Variants in ZNF528 observed in about 807,000 individuals in gnomAD.
ZNF528 encodes the protein zinc finger protein 528.
A neutral mutation model predicts 13.3 loss-of-function variants in ZNF528; 9 were observed. That is an observed-to-expected ratio of 0.67 (90% CI 0.41 to 1.18). The LOEUF is 1.18. Among genes scored for constraint, ZNF528 ranks in the 50% most tolerant of loss-of-function variants. ZNF528 has a pLI of 0.01. For missense variants in ZNF528, 858 were observed against 745.4 expected (o/e 1.15, Z -1.76); for synonymous variants, 264 against 254.3 (o/e 1.04, Z -0.36).
In ZNF528 at chr19:52,415,605, T is replaced by G; in HGVS notation, c.753T>G (p.Ser251Arg). 6.2e-7 allele frequency: 1 copy of G among 1,614,062 alleles called. No individual in the cohort carries two copies. Among genetic ancestry groups the G allele is most frequent in the Middle Eastern group, 1.6e-4 (1 of 6,062 alleles). ...YKCHECGKLF[S>R]SNSNLSQHQR... is the part of the protein sequence containing the mutation. Reference sequence around the variant, plus strand: ...GTCATGAATGTGGCAAGCTCTTCAGTAGCAATTCAAACCTTTCACAACATC... The same window carrying G: ...GTCATGAATGTGGCAAGCTCTTCAGGAGCAATTCAAACCTTTCACAACATC... The change falls in exon 7 of 7, where the codon AGT becomes AGG. Residue 251 changes from serine to arginine, a missense_variant. Transcript: ENST00000360465.
At position 52,401,747 on chromosome 19, in the gene ZNF528, A is replaced by G. The variant is rs1834603356; in HGVS notation, c.-74A>G. ...AAATCTCAGAAGGAATCCACTCAAC[A>G]GACGAGGTACCTTAACCACATAATG... On this transcript the variant is annotated 5_prime_UTR_variant, in exon 3 of 7. Coordinates refer to ENST00000360465, the MANE Select transcript of ZNF528 (RefSeq NM_032423.3). 1.4e-6 allele frequency: 2 copies of G among 1,463,054 alleles called. No individual in the cohort carries two copies. The highest frequency in any genetic ancestry group is 1.8e-6 in the Non-Finnish European group (2 of 1,102,150). 90.6% of individuals were successfully genotyped at this position (1,463,054 alleles called of 1,614,324 possible).
At chr19:52,402,329 A>G (rs1207768033) in intron 4 of ZNF528, 7 of 547,572 alleles carry the variant, frequency 1.3e-5, no homozygotes, top group Non-Finnish European at 2.0e-5. Context: ...TTGTTCAGGG[A>G]TCACATCTGG....
At chr19:52,414,044 A>G in intron 6 of ZNF528, 6 of 586,318 alleles carry the variant, frequency 1.0e-5, no homozygotes, top group East Asian at 2.8e-5. Context: ...TTTTCAACAG[A>G]CAAGTTCTGC....
chr19:52,409,911 C>T (rs557418647), intron 6 of ZNF528, among the ~76,000 whole-genome samples: 6 of 152,242 alleles, frequency 3.9e-5, no homozygotes, highest in African/African-American at 1.2e-4. Flanking sequence ...GACAGGGTTT[C>T]ACCATGTTGG....
At chr19:52,402,155 C>T (rs2122514328) in intron 4 of ZNF528, 127 bp downstream of exon 4, 1 of 1,302,084 alleles carries the variant, frequency 7.7e-7, no homozygotes, top group Non-Finnish European at 1.1e-6. Context: ...CCCATGGCTT[C>T]TTCCAGTCCC....
chr19:52,414,362 G>C (rs766857645), intron 6 of ZNF528: 5 of 701,934 alleles, frequency 7.1e-6, no homozygotes, highest in African/African-American at 3.5e-5. Context: ...TGGAATAAAA[G>C]ACAAAGGTGT....
chr19:52,408,824 C>T (rs1293924832), intron 6 of ZNF528, among the ~76,000 whole-genome samples: 1 of 152,162 alleles, frequency 6.6e-6, no homozygotes, highest in Admixed American at 6.6e-5. Flanking sequence ...ACCTCAGCCT[C>T]CCAAGTTGTT....
Position 52,416,261 on chromosome 19 carries a change from G to A in ZNF528, c.1409G>A (p.Cys470Tyr). Residue 470 changes from cysteine to tyrosine, a missense_variant, in exon 7 of 7, where the codon TGT becomes TAT. Physicochemically the swap from Cys to Tyr is radical, Grantham distance 194 (BLOSUM62 -2). Transcript: ENST00000360465. ...GAGAAACCTTATGAATGTAAAGAAT[G>A]TGGCAAAGTCTTCAGGTACAAGTCT... Reference protein sequence around the residue: ...SGEKPYECKECGKVFRYKSSL... With the variant: ...SGEKPYECKEYGKVFRYKSSL... 1.9e-6 allele frequency: 3 copies of A among 1,614,092 alleles called. No homozygotes were observed. The highest frequency in any genetic ancestry group is 2.5e-6 in the Non-Finnish European group (3 of 1,179,994).
rs113800068 is a variant in ZNF528 at position 52,415,884 on chromosome 19, A to G, written c.1032A>G (p.Gln344=). 3.9e-5 allele frequency: 63 copies of G among 1,614,018 alleles called. No individual in the cohort carries two copies. In the African/African-American group the frequency reaches 7.2e-4, roughly 18 times the overall value. ...FSRHSYLAEH[Q]TVHTGEKPYK... ...GCCATTCATATCTAGCAGAACATCA[A>G]ACGGTTCATACTGGTGAGAAACCTT... Residue 344 remains glutamine, a synonymous_variant, in exon 7 of 7, where the codon CAA becomes CAG. Coordinates refer to ENST00000360465, the MANE Select transcript of ZNF528 (RefSeq NM_032423.3).
rs1275699083 is a variant in ZNF528 at position 52,400,839 on chromosome 19, A to C, written c.-136-846A>C. Among the ~76,000 whole-genome samples, 5 of 151,992 alleles carry C rather than the reference A, an allele frequency of 3.3e-5. No individual in the cohort carries two copies. The South Asian group carries it at 1.0e-3, about 32-fold the overall frequency. ...TTTACCCTGCTTAAATCTGACTTTG[A>C]ATTTTCTGTCCTCCTGTCTTTTTCT... is the stretch of plus-strand genomic sequence containing the variant. On this transcript the variant is annotated intron_variant, in intron 2 of 6. Transcript: ENST00000360465.
In ZNF528 at chr19:52,416,614, C is replaced by T. The variant is rs2122609494; in HGVS notation, c.1762C>T (p.Gln588Ter). 2 of 1,614,186 alleles carry T rather than the reference C, an allele frequency of 1.2e-6. No individual in the cohort carries two copies. Among genetic ancestry groups the T allele is most frequent in the East Asian group, 4.5e-5 (2 of 44,892 alleles). Residue 588 changes from glutamine to a stop codon, truncating the protein, a stop_gained, in exon 7 of 7, where the codon CAG becomes TAG. Coordinates refer to ENST00000360465, the MANE Select transcript of ZNF528 (RefSeq NM_032423.3). LOFTEE classifies it low-confidence loss of function (END_TRUNC). Reference sequence around the variant, plus strand: ...TAAAGAATGTGGCAAGATCTTCACTCAGAAGTCTTCCCTCACCAATCACCA... The same window carrying T: ...TAAAGAATGTGGCAAGATCTTCACTTAGAAGTCTTCCCTCACCAATCACCA... Reference protein sequence around the residue: ...ECKECGKIFTQKSSLTNHHRI... With the variant: ...ECKECGKIFT
rs1423705348 is a variant in ZNF528 at position 52,415,875 on chromosome 19, A to G, written c.1023A>G (p.Ala341=). Residue 341 remains alanine, a synonymous_variant, in exon 7 of 7, where the codon GCA becomes GCG. Transcript: ENST00000360465. ...GKVFSRHSYL[A]EHQTVHTGEK... ...TCTTTAGTCGCCATTCATATCTAGC[A>G]GAACATCAAACGGTTCATACTGGTG... 4 of 1,614,008 alleles carry G rather than the reference A, an allele frequency of 2.5e-6. No individual in the cohort carries two copies. Among genetic ancestry groups the G allele is most frequent in the Non-Finnish European group, 3.4e-6 (4 of 1,179,952 alleles).
rs1229660697 is a variant in ZNF528 at position 52,415,914 on chromosome 19, A to G, written c.1062A>G (p.Lys354=). The change falls in exon 7 of 7, where the codon AAA becomes AAG. Residue 354 remains lysine, a synonymous_variant. Coordinates refer to ENST00000360465, the MANE Select transcript of ZNF528 (RefSeq NM_032423.3). ...TTCATACTGGTGAGAAACCTTACAA[A>G]TGTGAAGAATGTGGCAAAGCATTTT... ...QTVHTGEKPY[K]CEECGKAFSV... 12 of 1,614,056 alleles carry G rather than the reference A, an allele frequency of 7.4e-6. No homozygotes were observed. Among genetic ancestry groups the G allele is most frequent in the East Asian group, 2.2e-5 (1 of 44,872 alleles).
chr19:52,413,422 A>C (rs1423106852), intron 6 of ZNF528: 1 of 152,238 alleles, frequency 6.6e-6, no homozygotes, highest in Non-Finnish European at 1.5e-5. Context: ...AGATTCTAGC[A>C]ATCCTAAAGT....
chr19:52,402,141 C>G (rs925488612), intron 4 of ZNF528, 113 bp downstream of exon 4: 234 of 1,471,100 alleles, frequency 1.6e-4, no homozygotes, highest in Admixed American at 1.1e-4. Context: ...TTTGCTTGCA[C>G]TTACCCATGG....
In ZNF528 at chr19:52,415,098, GTTCCACTTT is replaced by G. The variant is rs781209764; in HGVS notation, c.272-23_272-15del. The G allele has an allele frequency of 1.9e-6, 3 of 1,610,432 alleles. No individual in the cohort carries two copies. The African/African-American group carries it at 4.0e-5, about 22-fold the overall frequency. On this transcript the variant is annotated splice_polypyrimidine_tract_variant and intron_variant, in intron 6 of 6. Transcript: ENST00000360465. ...AAAGATGCCATTATCATGGGTTGAA[GTTCCACTTT>G]TTTCTTTCTGTTTTAGAGAGGAGCT...
intron 6 of ZNF528, chr19:52,414,433 C>T (rs2058972951): frequency 4.8e-6 from 3 of 627,426 alleles, no homozygotes; most frequent in Admixed American, 2.6e-5. Context: ...AGCTTTAGAG[C>T]CCTTTGTATT....
At chr19:52,411,194 A>G (rs1216391239) in intron 6 of ZNF528, among the ~76,000 whole-genome samples, 2 of 152,198 alleles carry the variant, frequency 1.3e-5, no homozygotes, top group Non-Finnish European at 2.9e-5. Flanking sequence ...TTCCTACAAA[A>G]TGGTGACATA....
chr19:52,416,767 C>G lies in ZNF528; in HGVS notation c.*28C>G, dbSNP rs139707958. On this transcript the variant is annotated 3_prime_UTR_variant, in exon 7 of 7. Transcript: ENST00000360465. ...GTCCCTACAAACTGTATGGCAAAACCATCATCATGAGTTCTAGCATTAATC... is the reference window on the plus strand; with the variant it reads ...GTCCCTACAAACTGTATGGCAAAACGATCATCATGAGTTCTAGCATTAATC... 2,880 of 1,556,960 alleles carry G rather than the reference C, an allele frequency of 1.8e-3. 62 individuals carry two copies. In the African/African-American group the frequency reaches 0.035, roughly 19 times the overall value.
Sources: allele counts gnomAD v4.1 joint callset (sites outside exome capture counted in the v4.1 genomes callset), GRCh38; gene constraint gnomAD v4.1.1; transcripts MANE v1.5; gene names NCBI Gene and HGNC (gene_info 2026-07-23, HGNC 2026-07-21).